KCNMA1: variants seen among roughly 807,000 people sequenced by gnomAD.
KCNMA1 encodes Calcium-activated potassium channel subunit alpha-1.
Under a neutral mutation model 140.0 loss-of-function variants are expected in KCNMA1, and 29 were observed. The observed-to-expected ratio is 0.21, with a 90% confidence interval of 0.15 to 0.28. The LOEUF (loss-of-function observed/expected upper bound fraction) is 0.28, where lower values mean the gene tolerates loss of function less well. KCNMA1 is among the 10% of genes least tolerant of loss of function. The pLI, the probability that KCNMA1 is intolerant of heterozygous loss-of-function variation, is 1.00. For synonymous variants in KCNMA1, 612 were observed against 611.9 expected, an observed-to-expected ratio of 1.00 and a Z score of 0.00; for missense variants, 880 against 1,602.2, an observed-to-expected ratio of 0.55 and a Z score of 7.70.
Position 77,130,046 on chromosome 10 carries a change from C to T in KCNMA1, c.809-8998G>A, listed in dbSNP as rs148651142. 6.4e-3 allele frequency among the ~76,000 whole-genome samples: 967 copies of T among 152,092 alleles called. 29 individuals are homozygous for T. Among genetic ancestry groups the T allele is most frequent in the Non-Finnish European group, 2.6e-3 (174 of 67,978 alleles). On this transcript the variant is annotated intron_variant, in intron 5 of 27. Coordinates refer to ENST00000286628, the MANE Select transcript of KCNMA1 (RefSeq NM_001161352.2). ...TTCTAAACTGTTCCATAATACAAAA[C>T]GAGATCTAAAGCTACTAACTTATAT...
intron 2 of KCNMA1, among the ~76,000 whole-genome samples, chr10:77,402,020 A>G (rs2096284589): frequency 6.6e-6 from 1 of 152,232 alleles, no homozygotes; most frequent in Admixed American, 6.5e-5. Context: ...TGCAATGCTG[A>G]TGAAGAAAAT....
intron 2 of KCNMA1, among the ~76,000 whole-genome samples, chr10:77,394,525 G>A (rs1304988495): frequency 4.6e-5 from 7 of 152,188 alleles, no homozygotes; most frequent in Non-Finnish European, 8.8e-5. Flanking sequence ...GGTGGATGGA[G>A]AAACTCAAGG....
chr10:77,491,716 C>T (rs1170437023), intron 1 of KCNMA1, among the ~76,000 whole-genome samples: 3 of 8,640 alleles, frequency 3.5e-4, no homozygotes, highest in Non-Finnish European at 6.9e-4. Flanking sequence ...AGAAGTCATA[C>T]ACACACACAC....
At chr10:76,893,912 T>C (rs6480845) in intron 25 of KCNMA1, among the ~76,000 whole-genome samples, 118,218 of 152,080 alleles carry the variant, frequency 0.78, 46,640 homozygotes, top group African/African-American at 0.88. Flanking sequence ...GAATACTACC[T>C]TAATTTCCAG....
At chr10:76,982,915 G>T (rs2080009162) in intron 19 of KCNMA1, among the ~76,000 whole-genome samples, 1 of 152,030 alleles carries the variant, frequency 6.6e-6, no homozygotes, top group African/African-American at 2.4e-5. Flanking sequence ...TTTTTCTGGA[G>T]AGCTTATTCA....
chr10:76,882,012 G>A (rs2034869839), downstream of KCNMA1, among the ~76,000 whole-genome samples: 1 of 152,156 alleles, frequency 6.6e-6, no homozygotes, highest in African/African-American at 2.4e-5. Flanking sequence ...TGAGATCACA[G>A]GGTTTAAAAT....
At chr10:77,185,598 A>ATTT (rs398046317) in intron 3 of KCNMA1, among the ~76,000 whole-genome samples, 70 of 144,670 alleles carry the variant, frequency 4.8e-4, no homozygotes, top group Middle Eastern at 3.6e-3. Flanking sequence ...CTAAGGGTTA[A>ATTT]TTTTTTTTTT....
At chr10:77,166,321 C>T (rs1265827713) in intron 5 of KCNMA1, among the ~76,000 whole-genome samples, 1 of 152,080 alleles carries the variant, frequency 6.6e-6, no homozygotes, top group Non-Finnish European at 1.5e-5. Context: ...TCACCTACCA[C>T]AGTAAGAATT....
intron 5 of KCNMA1, among the ~76,000 whole-genome samples, chr10:77,170,386 C>G (rs915565248): frequency 2.0e-5 from 3 of 152,148 alleles, no homozygotes; most frequent in Middle Eastern, 3.4e-3. Context: ...CCTAAGAGAG[C>G]CCTTCCCTCG....
chr10:77,056,240 C>T lies in KCNMA1; in HGVS notation c.1750-16603G>A, dbSNP rs7074464. 6.2e-3 allele frequency among the ~76,000 whole-genome samples: 950 copies of T among 152,116 alleles called. 9 individuals are homozygous for T. The highest frequency in any genetic ancestry group is 0.022 in the African/African-American group (902 of 41,504). On this transcript the variant is annotated intron_variant, in intron 14 of 27. Coordinates refer to ENST00000286628, the MANE Select transcript of KCNMA1 (RefSeq NM_001161352.2). The stretch of plus-strand genomic sequence containing the variant: ...ACTAAAAATACAAAAATTAGCCAGG[C>T]GTGGTGGTGGGCACCTGTAATCCCA...
At chr10:76,912,817 C>G (rs2050909926) in intron 24 of KCNMA1, 1 of 152,172 alleles carries the variant, frequency 6.6e-6, no homozygotes, top group Non-Finnish European at 1.5e-5. Context: ...GATTAATTTT[C>G]CAACCAGAGG....
At chr10:77,450,748 G>A (rs1345654152) in intron 1 of KCNMA1, among the ~76,000 whole-genome samples, 2 of 152,206 alleles carry the variant, frequency 1.3e-5, no homozygotes, top group African/African-American at 4.8e-5. Context: ...AGGGCCCCAT[G>A]AGACTCATTC....
intron 3 of KCNMA1, among the ~76,000 whole-genome samples, chr10:77,238,199 G>T (rs1411557907): frequency 6.6e-6 from 1 of 152,118 alleles, no homozygotes; most frequent in Non-Finnish European, 1.5e-5. Flanking sequence ...GATCCCTGGC[G>T]ACTCTCTACA....
chr10:77,445,303 T>C (rs1183733295), intron 1 of KCNMA1, among the ~76,000 whole-genome samples: 1 of 150,954 alleles, frequency 6.6e-6, no homozygotes, highest in Non-Finnish European at 1.5e-5. Flanking sequence ...CAGAAAATAA[T>C]CCTCCATCCA....
intron 19 of KCNMA1, among the ~76,000 whole-genome samples, chr10:76,998,067 A>G (rs4980120): frequency 0.019 from 2,947 of 152,186 alleles, 107 homozygotes; most frequent in African/African-American, 0.066. Flanking sequence ...CTGGCCTTCC[A>G]TCTCCTCCTG....
chr10:77,631,194 T>A (rs1431118471), intron 1 of KCNMA1, among the ~76,000 whole-genome samples: 2 of 151,422 alleles, frequency 1.3e-5, no homozygotes, highest in Non-Finnish European at 2.9e-5. Context: ...ATATTCCCAC[T>A]GAACATTCCC....
At chr10:77,253,150 CAGTTAGAT>C (rs1375218724) in intron 2 of KCNMA1, among the ~76,000 whole-genome samples, 3 of 152,188 alleles carry the variant, frequency 2.0e-5, no homozygotes, top group Middle Eastern at 3.2e-3. Flanking sequence ...GAGGCATAAG[CAGTTAGAT>C]CCTGGCCCTG....
intron 3 of KCNMA1, among the ~76,000 whole-genome samples, chr10:77,217,872 T>C (rs140363420): frequency 6.6e-6 from 1 of 152,328 alleles, no homozygotes; most frequent in East Asian, 1.9e-4. Context: ...ACATAAAAGT[T>C]CGATAACCAC....
intron 14 of KCNMA1, among the ~76,000 whole-genome samples, chr10:77,057,328 T>C (rs1230276710): frequency 6.6e-6 from 1 of 152,064 alleles, no homozygotes; most frequent in African/African-American, 2.4e-5. Context: ...CCCTAAGTAA[T>C]GAAAGTGAAA....
Sources: gnomAD v4.1 joint callset for allele counts (sites outside exome capture counted in the v4.1 genomes callset) on GRCh38, gnomAD v4.1.1 for gene constraint, MANE v1.5 for transcripts, NCBI Gene and HGNC (gene_info 2026-07-23, HGNC 2026-07-21) for gene names.